LUZP1: variants seen among roughly 807,000 people sequenced by gnomAD.
The protein encoded by LUZP1 is leucine zipper protein 1, also known as filamin mechanobinding actin cross-linking protein.
A neutral mutation model predicts 71.3 loss-of-function variants in LUZP1; 25 were observed. The ratio of observed to expected loss-of-function variants is 0.35; its 90% CI spans 0.26 to 0.49. The LOEUF (loss-of-function observed/expected upper bound fraction) is 0.49, where lower values mean the gene tolerates loss of function less well. Among genes scored for constraint, LUZP1 ranks in the 20% least tolerant of loss-of-function variants. LUZP1 has a pLI of 0.99. For synonymous variants in LUZP1, 481 were observed against 506.4 expected (o/e 0.95, Z 0.67); for missense variants, 1,142 against 1,300.8 (o/e 0.88, Z 1.88).
intron 2 of LUZP1, among the ~76,000 whole-genome samples, chr1:23,161,520 G>C (rs534412516): frequency 6.6e-6 from 1 of 152,136 alleles, no homozygotes. Flanking sequence ...AGCTACTCTG[G>C]AGGCCAAAGG....
At chr1:23,134,483 T>C (rs1354588454) in intron 2 of LUZP1, among the ~76,000 whole-genome samples, 4 of 151,742 alleles carry the variant, frequency 2.6e-5, no homozygotes, top group African/African-American at 9.7e-5. Flanking sequence ...CCCAGTCTCT[T>C]AAAAAATAAA....
intron 2 of LUZP1, among the ~76,000 whole-genome samples, chr1:23,119,251 CTTTTTT>C (rs35522356): frequency 9.1e-4 from 64 of 70,022 alleles, no homozygotes; most frequent in African/African-American, 3.8e-3. Context: ...GTGACTAGCT[CTTTTTT>C]TTTTTTTTTT....
At chr1:23,104,914 G>C (rs966577149) in intron 3 of LUZP1, among the ~76,000 whole-genome samples, 1 of 152,186 alleles carries the variant, frequency 6.6e-6, no homozygotes, top group Non-Finnish European at 1.5e-5. Context: ...CTATGGCTAA[G>C]AGGGGCTATG....
At chr1:23,105,997 T>C (rs528247624) in intron 3 of LUZP1, among the ~76,000 whole-genome samples, 17 of 152,222 alleles carry the variant, frequency 1.1e-4, no homozygotes, top group Non-Finnish European at 2.4e-4. Context: ...TGCTCTGATA[T>C]ATATATCAAA....
chr1:23,167,923 C>T (rs1333684573), intron 2 of LUZP1, among the ~76,000 whole-genome samples: 6 of 151,874 alleles, frequency 4.0e-5, no homozygotes, highest in Non-Finnish European at 7.4e-5. Flanking sequence ...GGAGGCGGGC[C>T]CCGCGCTGCG....
At chr1:23,118,896 T>C (rs1315106713) in intron 2 of LUZP1, among the ~76,000 whole-genome samples, 1 of 152,182 alleles carries the variant, frequency 6.6e-6, no homozygotes, top group Non-Finnish European at 1.5e-5. Flanking sequence ...ACCTGTCCTT[T>C]TGGTTCTAAT....
chr1:23,086,143 CA>C (rs1011733509), exon 5 of LUZP1: 1 of 152,298 alleles, frequency 6.6e-6, no homozygotes, highest in African/African-American at 2.4e-5. Flanking sequence ...GGCCTGGGTC[CA>C]AACAGTCACA....
chr1:23,083,652 T>G (rs577405654), downstream of LUZP1: 31 of 243,928 alleles, frequency 1.3e-4, 1 homozygote, highest in East Asian at 2.4e-3. Context: ...TTTTTGTTTT[T>G]TTTTTATATT....
At chr1:23,116,641 A>G (rs1045449754) in intron 2 of LUZP1, among the ~76,000 whole-genome samples, 3 of 152,128 alleles carry the variant, frequency 2.0e-5, no homozygotes, top group African/African-American at 7.2e-5. Context: ...AAGAAAAGAA[A>G]AGAAAGAAAA....
intron 3 of LUZP1, among the ~76,000 whole-genome samples, chr1:23,097,892 C>G (rs1408934872): frequency 2.6e-5 from 4 of 152,112 alleles, no homozygotes; most frequent in Non-Finnish European, 5.9e-5. Flanking sequence ...AAGGTAGACT[C>G]TAAGGTGGCT....
intron 2 of LUZP1, among the ~76,000 whole-genome samples, chr1:23,161,012 AGTC>A (rs1644460343): frequency 1.3e-5 from 2 of 152,360 alleles, no homozygotes; most frequent in South Asian, 2.1e-4. Context: ...AACTGAGCTC[AGTC>A]TTGAGGGGTG....
chr1:23,117,830 G>A lies in LUZP1; in HGVS notation c.-225-8703C>T, dbSNP rs187080339. ...CAGGAGGCTGGGCACAGTGGCTCAC[G>A]GCTGTAATCCCAGCGCTTTGGGAGG... On this transcript the variant is annotated intron_variant, in intron 2 of 4. Coordinates refer to ENST00000302291, the Ensembl canonical transcript of LUZP1. 2.6e-3 allele frequency among the ~76,000 whole-genome samples: 391 copies of A among 152,172 alleles called. 4 individuals carry two copies. The highest frequency in any genetic ancestry group is 8.7e-3 in the African/African-American group (361 of 41,534).
chr1:23,100,106 C>T (rs1026284555), intron 3 of LUZP1, among the ~76,000 whole-genome samples: 1 of 152,216 alleles, frequency 6.6e-6, no homozygotes, highest in African/African-American at 2.4e-5. Context: ...ACCTATCACA[C>T]TCTATTGCAG....
At chr1:23,120,209 C>T (rs866794487) in intron 2 of LUZP1, among the ~76,000 whole-genome samples, 10 of 152,010 alleles carry the variant, frequency 6.6e-5, no homozygotes, top group Non-Finnish European at 1.5e-4. Flanking sequence ...TCCCAAAATG[C>T]TGGAATTATA....
rs1187681319 is a variant in LUZP1, at chr1:23,117,509, GGGGGGGGGGC to G, written c.-225-8392_-225-8383del. On this transcript the variant is annotated intron_variant, in intron 2 of 4. Transcript: ENST00000302291. Reference sequence around the variant, plus strand: ...CCCCCCCCACAATCAGGAAGCCCTGGGGGGGGGGGCGGGGGGGGGGAACACCTTGAGAAAG... The same window carrying G: ...CCCCCCCCACAATCAGGAAGCCCTGGGGGGGGGGGGAACACCTTGAGAAAG... Among the ~76,000 whole-genome samples the G allele has an allele frequency of 8.6e-4, 52 of 60,200 alleles. 1 individual carries two copies. The highest frequency in any genetic ancestry group is 4.1e-3 in the African/African-American group (45 of 11,006). 39.5% of individuals were successfully genotyped at this position (60,200 alleles called of 152,430 possible). A position where few individuals can be genotyped will look rare whatever the true frequency, so the allele number is the denominator to read the frequency against.
intron 2 of LUZP1, among the ~76,000 whole-genome samples, chr1:23,128,390 G>A (rs1644189151): frequency 6.6e-6 from 1 of 152,160 alleles, no homozygotes; most frequent in African/African-American, 2.4e-5. Flanking sequence ...AGCTAAAAGA[G>A]ATAAATGTAC....
At chr1:23,089,846 C>T (rs532510712) in intron 4 of LUZP1, among the ~76,000 whole-genome samples, 51 of 152,138 alleles carry the variant, frequency 3.4e-4, no homozygotes, top group African/African-American at 1.2e-3. Flanking sequence ...CTGCAACCTC[C>T]GCCTCCTGGG....
exon 5 of LUZP1, chr1:23,084,145 G>C (rs577442151): frequency 6.6e-6 from 1 of 152,290 alleles, no homozygotes; most frequent in Non-Finnish European, 1.5e-5. Flanking sequence ...ATAGGATCAA[G>C]GGCTTAGGTA....
chr1:23,084,909 A>AGAT (rs1491484489), exon 5 of LUZP1: 1 of 152,722 alleles, frequency 6.5e-6, no homozygotes, highest in Non-Finnish European at 1.5e-5. Flanking sequence ...CATAGAAGAC[A>AGAT]GATGATACAC....
Sources: allele counts gnomAD v4.1 joint callset (sites outside exome capture counted in the v4.1 genomes callset), GRCh38; gene constraint gnomAD v4.1.1; transcripts MANE v1.5; gene names NCBI Gene and HGNC (gene_info 2026-07-23, HGNC 2026-07-21).